Variants in PCDHA8 observed in about 807,000 individuals in gnomAD.
PCDHA8 encodes protocadherin alpha-8.
Under a neutral mutation model 61.8 loss-of-function variants are expected in PCDHA8, and 53 were observed. The ratio of observed to expected loss-of-function variants is 0.86; its 90% CI spans 0.69 to 1.08. The LOEUF is 1.08. PCDHA8 is among the 50% of genes least tolerant of loss of function. The pLI is 0.00. For synonymous variants in PCDHA8, 618 were observed against 556.6 expected (o/e 1.11, Z -1.55); for missense variants, 1,293 against 1,245.0 (o/e 1.04, Z -0.58).
At chr5:140,871,308 G>A (rs1554165414) in intron 1 of PCDHA8, 2 of 1,613,998 alleles carry the variant, frequency 1.2e-6, no homozygotes, top group Admixed American at 1.7e-5. Flanking sequence ...CGCCGGGGAA[G>A]CCCACGCTGG....
At chr5:140,914,038 T>C (rs949307049) in intron 1 of PCDHA8, among the ~76,000 whole-genome samples, 14 of 152,206 alleles carry the variant, frequency 9.2e-5, no homozygotes, top group Non-Finnish European at 1.3e-4. Context: ...GAGAAGAATG[T>C]GTATTCTGCA....
At chr5:140,868,860 A>C (rs2050688614) in intron 1 of PCDHA8, 1 of 525,418 alleles carries the variant, frequency 1.9e-6, no homozygotes, top group Admixed American at 3.7e-5. Context: ...GTGGTGGTAA[A>C]TGCAGTGCAC....
Sources: gnomAD v4.1 joint callset for allele counts (sites outside exome capture counted in the v4.1 genomes callset) on GRCh38, gnomAD v4.1.1 for gene constraint, MANE v1.5 for transcripts, NCBI Gene and HGNC (gene_info 2026-07-23, HGNC 2026-07-21) for gene names.